Variants in MKKS observed in about 807,000 individuals in gnomAD.
The protein encoded by MKKS is MKKS centrosomal shuttling protein, also known as molecular chaperone MKKS.
A neutral mutation model predicts 33.2 loss-of-function variants in MKKS; 29 were observed. That is an observed-to-expected ratio of 0.87 (90% CI 0.65 to 1.19). The LOEUF (loss-of-function observed/expected upper bound fraction) is 1.19. MKKS is among the 50% of genes most tolerant of loss of function. MKKS has a pLI of 0.00. For missense variants in MKKS, 661 were observed against 662.3 expected, an observed-to-expected ratio of 1.00 and a Z score of 0.02; for synonymous variants, 260 against 244.0, an observed-to-expected ratio of 1.07 and a Z score of -0.61.
chr20:10,410,033 T>C (rs1309117031), intron 3 of MKKS, among the ~76,000 whole-genome samples: 1 of 136,354 alleles, frequency 7.3e-6, no homozygotes, highest in East Asian at 2.3e-4. Flanking sequence ...CACTTCCATC[T>C]CAAAAAATTT....
intron 1 of MKKS, among the ~76,000 whole-genome samples, chr20:10,422,737 A>C (rs1180789983): frequency 6.7e-6 from 1 of 148,868 alleles, no homozygotes; most frequent in Non-Finnish European, 1.5e-5. Flanking sequence ...TGTGAGACAG[A>C]GTCTTGCTCT....
intron 2 of MKKS, among the ~76,000 whole-genome samples, chr20:10,414,557 G>A (rs2064923218): frequency 6.6e-6 from 1 of 152,080 alleles, no homozygotes; most frequent in Non-Finnish European, 1.5e-5. Flanking sequence ...GAGCCACTGT[G>A]CCCGGCAAGT....
At chr20:10,410,776 G>T (rs1423392108) in intron 3 of MKKS, among the ~76,000 whole-genome samples, 1 of 152,112 alleles carries the variant, frequency 6.6e-6, no homozygotes, top group Non-Finnish European at 1.5e-5. Context: ...ATTACCAGGG[G>T]AGATAGGTAA....
At position 10,404,589 on chromosome 20, in the gene MKKS, T is replaced by A. The variant is rs2064828245; in HGVS notation, c.*658A>T. Reference sequence around the variant, plus strand: ...CACTTTAAAAATGAAGACATTACAATGTTGCTTTAGCCTTGGTTACTATAT... The same window carrying A: ...CACTTTAAAAATGAAGACATTACAAAGTTGCTTTAGCCTTGGTTACTATAT... On this transcript the variant is annotated 3_prime_UTR_variant, in exon 6 of 6. Coordinates refer to ENST00000347364, the MANE Select transcript of MKKS (RefSeq NM_170784.3). The A allele has an allele frequency of 6.6e-6, 1 of 152,126 alleles. No homozygotes were observed. The highest frequency in any genetic ancestry group is 2.4e-5 in the African/African-American group (1 of 41,422). 9.4% of individuals were successfully genotyped at this position (152,126 alleles called of 1,614,324 possible). A position where few individuals can be genotyped will look rare whatever the true frequency, so the allele number is the denominator to read the frequency against.
At chr20:10,408,065 T>C (rs988107064) in intron 4 of MKKS, among the ~76,000 whole-genome samples, 3 of 152,188 alleles carry the variant, frequency 2.0e-5, no homozygotes, top group African/African-American at 2.4e-5. Context: ...ATCATTTCAG[T>C]CTAAATAATA....
At chr20:10,418,239 A>G (rs952699360) in intron 2 of MKKS, among the ~76,000 whole-genome samples, 10 of 152,266 alleles carry the variant, frequency 6.6e-5, no homozygotes, top group African/African-American at 2.4e-4. Context: ...AAAGATGGAT[A>G]AAAGAAGACT....
intron 1 of MKKS, among the ~76,000 whole-genome samples, chr20:10,430,989 C>A (rs888004787): frequency 6.6e-6 from 1 of 152,146 alleles, no homozygotes; most frequent in Non-Finnish European, 1.5e-5. Flanking sequence ...TAGTTATGGT[C>A]TTGGACAAAT....
At chr20:10,428,269 T>C (rs931540713) in intron 1 of MKKS, among the ~76,000 whole-genome samples, 2 of 152,202 alleles carry the variant, frequency 1.3e-5, no homozygotes, top group African/African-American at 2.4e-5. Flanking sequence ...TGGTGATTGG[T>C]GGAGGAGAGG....
At chr20:10,414,342 C>T (rs925568979) in intron 2 of MKKS, among the ~76,000 whole-genome samples, 12 of 149,892 alleles carry the variant, frequency 8.0e-5, no homozygotes, top group South Asian at 2.1e-4. Context: ...CTTGGCTCAC[C>T]ACAACCTCAG....
rs912923677 is a variant in MKKS at position 10,407,704 on chromosome 20, T to C, written c.1184A>G (p.His395Arg). The change falls in exon 5 of 6, where the codon CAT becomes CGT. Residue 395 changes from histidine (H) to arginine (R), a missense_variant. His to Arg is a conservative substitution (Grantham distance 29). Transcript: ENST00000347364. The stretch of plus-strand genomic sequence containing the variant: ...TTCCTTGAGTGTTAACTGCAGGACA[T>C]GCAGTGCCGTCTGACACGTGAGCTA... ...ELKLTCQTAL[H>R]VLQLTLKEPW... 2 of 1,613,928 alleles carry C rather than the reference T, an allele frequency of 1.2e-6. No homozygotes were observed. The highest frequency in any genetic ancestry group is 1.1e-5 in the South Asian group (1 of 91,072).
rs766687959 is a variant in MKKS at position 10,413,087 on chromosome 20, T to A, written c.428A>T (p.Asp143Val). ...SETCGCRIPV[D>V]FSSTQILLCL... ...AAGGAGGATCTGAGTACTACTAAAGTCCACTGGGATTCGACAACCACAGGT... is the reference window on the plus strand; with the variant it reads ...AAGGAGGATCTGAGTACTACTAAAGACCACTGGGATTCGACAACCACAGGT... The change falls in exon 3 of 6, where the codon GAC (aspartate) becomes GTC (valine). Residue 143 changes from aspartate (D) to valine (V), a missense_variant. Physicochemically the swap from Asp to Val is radical, Grantham distance 152. Coordinates refer to ENST00000347364, the MANE Select transcript of MKKS (RefSeq NM_170784.3). 6.2e-7 allele frequency: 1 copy of A among 1,613,832 alleles called. No individual in the cohort carries two copies. The highest frequency in any genetic ancestry group is 8.5e-7 in the Non-Finnish European group (1 of 1,180,018).
chr20:10,411,993 G>C (rs1372073441), intron 3 of MKKS, among the ~76,000 whole-genome samples: 3 of 152,168 alleles, frequency 2.0e-5, no homozygotes, highest in African/African-American at 7.2e-5. Context: ...AATAGGTGCT[G>C]AAAGTAAAAG....
chr20:10,426,431 A>G (rs117358279), intron 1 of MKKS, among the ~76,000 whole-genome samples: 8,506 of 152,226 alleles, frequency 0.056, 272 homozygotes, highest in Admixed American at 0.081. Flanking sequence ...TTTTTGGGAC[A>G]GTCTCACTCT....
chr20:10,405,092 C>T lies in MKKS; in HGVS notation c.*155G>A. On this transcript the variant is annotated 3_prime_UTR_variant, in exon 6 of 6. Transcript: ENST00000347364. ...CATGGCATTTCCATTCACGAATCAC[C>T]TTTTTTCCTAAATAAGTGTATCTAT... 5.3e-6 allele frequency: 3 copies of T among 562,808 alleles called. No individual in the cohort carries two copies. Among genetic ancestry groups the T allele is most frequent in the Non-Finnish European group, 9.1e-6 (3 of 330,312 alleles). 34.9% of individuals were successfully genotyped at this position (562,808 alleles called of 1,614,324 possible). A position where few individuals can be genotyped will look rare whatever the true frequency, so the allele number is the denominator to read the frequency against.
chr20:10,412,434 T>G, intron 3 of MKKS, 96 bp downstream of exon 3: 2 of 1,245,722 alleles, frequency 1.6e-6, no homozygotes, highest in Non-Finnish European at 2.3e-6. Context: ...GGGTCAATTT[T>G]TCAAGATGTT....
chr20:10,428,096 G>A (rs1321022576), intron 1 of MKKS, among the ~76,000 whole-genome samples: 1 of 152,234 alleles, frequency 6.6e-6, no homozygotes, highest in Non-Finnish European at 1.5e-5. Context: ...TTCACTAATT[G>A]TAGGCAGTCT....
chr20:10,405,542 T>C lies in MKKS; in HGVS notation c.1418A>G (p.Lys473Arg). Residue 473 changes from lysine to arginine, a missense_variant, in exon 6 of 6, where the codon AAG (lysine) becomes AGG (arginine). Transcript: ENST00000347364. ...CTGAACTGACCAAAGGTGTCCATAC[T>C]TCATGTCAGTGAGAATTTCACCTCC... ...HDGGEILTDM[K>R]YGHLWSVQAD... is the part of the protein sequence containing the mutation. 2 of 1,614,176 alleles carry C rather than the reference T, an allele frequency of 1.2e-6. No homozygotes were observed. The highest frequency in any genetic ancestry group is 2.2e-5 in the South Asian group (2 of 91,074).
In MKKS at chr20:10,403,393, C is replaced by A. The variant is rs1333836791; in HGVS notation, c.*1854G>T. The A allele has an allele frequency of 6.6e-6, 1 of 150,688 alleles. No homozygotes were observed. Among genetic ancestry groups the A allele is most frequent in the Non-Finnish European group, 1.5e-5 (1 of 67,666 alleles). 9.3% of individuals were successfully genotyped at this position (150,688 alleles called of 1,614,324 possible). ...GCTGCCTACCACATGCAAAATACGT[C>A]CCCCCTACTCCTCAGATCCTCAAAA... On this transcript the variant is annotated 3_prime_UTR_variant, in exon 6 of 6. Coordinates refer to ENST00000347364, the MANE Select transcript of MKKS (RefSeq NM_170784.3).
At chr20:10,428,514 T>C (rs1461075538) in intron 1 of MKKS, among the ~76,000 whole-genome samples, 1 of 152,204 alleles carries the variant, frequency 6.6e-6, no homozygotes, top group Non-Finnish European at 1.5e-5. Context: ...TCTAACTTGT[T>C]GTCCCCTTAT....
Sources: gnomAD v4.1 joint callset for allele counts (sites outside exome capture counted in the v4.1 genomes callset) on GRCh38, gnomAD v4.1.1 for gene constraint, MANE v1.5 for transcripts, NCBI Gene and HGNC (gene_info 2026-07-23, HGNC 2026-07-21) for gene names.